CTNNA2: variants seen among roughly 807,000 people sequenced by gnomAD.
CTNNA2 encodes catenin alpha-2.
In CTNNA2, 42 loss-of-function variants were observed where a neutral mutation model predicts 101.0. The observed-to-expected ratio is 0.42, with a 90% CI of 0.32 to 0.54. The LOEUF is 0.54. CTNNA2 is among the 20% of genes least tolerant of loss of function. CTNNA2 has a pLI of 0.14. For synonymous variants in CTNNA2, 450 were observed against 456.4 expected, an observed-to-expected ratio of 0.99 and a Z score of 0.18; for missense variants, 871 against 1,223.1, an observed-to-expected ratio of 0.71 and a Z score of 4.29.
chr2:80,126,423 T>A (rs1335581380), intron 7 of CTNNA2, among the ~76,000 whole-genome samples: 1 of 151,964 alleles, frequency 6.6e-6, no homozygotes, highest in Non-Finnish European at 1.5e-5. Context: ...CTTCTGCTTC[T>A]CTTTGCTCTA....
chr2:79,326,824 A>G (rs10194732), intron 3 of CTNNA2, among the ~76,000 whole-genome samples: 23,207 of 152,214 alleles, frequency 0.15, 1,852 homozygotes, highest in East Asian at 0.17. Flanking sequence ...AACAAGGTCC[A>G]TGGTGATCCT....
At chr2:80,183,336 T>G (rs1394362972) in intron 7 of CTNNA2, among the ~76,000 whole-genome samples, 5 of 152,220 alleles carry the variant, frequency 3.3e-5, no homozygotes, top group African/African-American at 4.8e-5. Flanking sequence ...TTTTCTTTTC[T>G]GACTCAATAC....
At chr2:79,865,205 A>G (rs1681946994) in intron 4 of CTNNA2, among the ~76,000 whole-genome samples, 1 of 152,174 alleles carries the variant, frequency 6.6e-6, no homozygotes, top group Non-Finnish European at 1.5e-5. Flanking sequence ...GAAAGACACA[A>G]TTTAATCAAG....
chr2:79,474,331 A>G (rs536074730), intron 4 of CTNNA2, among the ~76,000 whole-genome samples: 14 of 152,210 alleles, frequency 9.2e-5, no homozygotes, highest in Non-Finnish European at 1.6e-4. Flanking sequence ...AAAGGAATGA[A>G]CTATTGACAA....
At chr2:79,461,321 A>T (rs556906429) in intron 4 of CTNNA2, among the ~76,000 whole-genome samples, 2 of 152,314 alleles carry the variant, frequency 1.3e-5, no homozygotes, top group East Asian at 3.9e-4. Context: ...TTTTACTGAT[A>T]AGTAGGCATT....
chr2:79,750,878 A>C (rs1015068894), intron 3 of CTNNA2, among the ~76,000 whole-genome samples: 7 of 152,040 alleles, frequency 4.6e-5, no homozygotes, highest in African/African-American at 1.5e-4. Flanking sequence ...TCTCAAAAAA[A>C]AAAAAAGAGG....
chr2:80,341,098 C>T (rs1025741407), intron 7 of CTNNA2, among the ~76,000 whole-genome samples: 1 of 152,058 alleles, frequency 6.6e-6, no homozygotes, highest in African/African-American at 2.4e-5. Context: ...GCACCTCCCC[C>T]AGAATGTGTA....
intron 7 of CTNNA2, among the ~76,000 whole-genome samples, chr2:80,177,802 T>C (rs1337839386): frequency 6.6e-6 from 1 of 152,228 alleles, no homozygotes; most frequent in Non-Finnish European, 1.5e-5. Flanking sequence ...AATAATGCTT[T>C]TTCCAAATTC....
chr2:80,321,135 T>G (rs190718715), intron 7 of CTNNA2, among the ~76,000 whole-genome samples: 36 of 152,106 alleles, frequency 2.4e-4, no homozygotes, highest in Admixed American at 3.3e-4. Context: ...CCTGTAAAAA[T>G]GACTGAAAGA....
intron 7 of CTNNA2, among the ~76,000 whole-genome samples, chr2:80,146,838 C>T (rs1703376888): frequency 6.8e-6 from 1 of 147,264 alleles, no homozygotes. Flanking sequence ...GATTCTCCTG[C>T]CTCAGCCTCC....
intron 2 of CTNNA2, among the ~76,000 whole-genome samples, chr2:79,732,084 A>G (rs1273361562): frequency 6.6e-6 from 1 of 152,114 alleles, no homozygotes; most frequent in African/African-American, 2.4e-5. Context: ...GTCATAATTT[A>G]CTAAAGCCAT....
intron 7 of CTNNA2, among the ~76,000 whole-genome samples, chr2:79,956,898 G>A (rs1174796902): frequency 7.5e-6 from 1 of 133,070 alleles, no homozygotes; most frequent in East Asian, 2.1e-4. Context: ...AGGCAGTTAG[G>A]TTTGAAAGGA....
At chr2:79,258,831 G>C in intron 2 of CTNNA2, among the ~76,000 whole-genome samples, 1 of 120,894 alleles carries the variant, frequency 8.3e-6, no homozygotes, top group Non-Finnish European at 1.6e-5. Flanking sequence ...TGAAGCCAAG[G>C]CCAAATCCTC....
At chr2:79,673,608 G>T (rs1468780450) in intron 2 of CTNNA2, among the ~76,000 whole-genome samples, 2 of 151,974 alleles carry the variant, frequency 1.3e-5, no homozygotes, top group African/African-American at 2.4e-5. Context: ...GCATTTTTTG[G>T]CAGTTTTATG....
intron 2 of CTNNA2, among the ~76,000 whole-genome samples, chr2:79,673,542 T>C (rs188692315): frequency 1.3e-5 from 2 of 152,352 alleles, no homozygotes; most frequent in East Asian, 3.9e-4. Flanking sequence ...AAGAACTGTT[T>C]TGTCTTCCTC....
intron 9 of CTNNA2, among the ~76,000 whole-genome samples, chr2:80,488,326 C>T (rs60056162): frequency 0.32 from 48,363 of 151,436 alleles, 8,209 homozygotes; most frequent in East Asian, 0.61. Context: ...TGTTTTTTTT[C>T]CCACCTGGCC....
chr2:80,346,114 G>T (rs1474233638), intron 7 of CTNNA2, among the ~76,000 whole-genome samples: 1 of 152,042 alleles, frequency 6.6e-6, no homozygotes, highest in Non-Finnish European at 1.5e-5. Flanking sequence ...TTTGTTTCGG[G>T]GACTTAATTT....
intron 4 of CTNNA2, among the ~76,000 whole-genome samples, chr2:79,504,478 C>G (rs551683333): frequency 6.6e-6 from 1 of 151,978 alleles, no homozygotes; most frequent in Non-Finnish European, 1.5e-5. Flanking sequence ...TTAGTAGAGA[C>G]GGGCTTTCAC....
chr2:80,306,015 C>G (rs976303125), intron 7 of CTNNA2, among the ~76,000 whole-genome samples: 10 of 152,164 alleles, frequency 6.6e-5, no homozygotes, highest in African/African-American at 2.4e-4. Flanking sequence ...GGTAGATAGA[C>G]TGGACAAGTA....
Sources: allele counts gnomAD v4.1 joint callset (sites outside exome capture counted in the v4.1 genomes callset), GRCh38; gene constraint gnomAD v4.1.1; transcripts MANE v1.5; gene names NCBI Gene and HGNC (gene_info 2026-07-23, HGNC 2026-07-21).